The following CT45A10 variants were observed in gnomAD, a reference collection of about 807,000 sequenced individuals.
CT45A10 encodes cancer/testis antigen family 45 member A10.
A neutral mutation model predicts 8.3 loss-of-function variants in CT45A10; 19 were observed. That is an observed-to-expected ratio of 2.30 (90% CI 1.61 to 3.38). The LOEUF is 3.38. CT45A10 is among the 30% of genes most tolerant of loss of function. CT45A10 has a pLI of 0.00. For missense variants in CT45A10, 149 were observed against 85.9 expected, an observed-to-expected ratio of 1.73 and a Z score of -2.90; for synonymous variants, 28 against 26.5, an observed-to-expected ratio of 1.06 and a Z score of -0.17.
chrX:135,889,447 C>G (rs6635177), intron 1 of CT45A10, among the ~76,000 whole-genome samples: 11 of 104,742 alleles, frequency 1.1e-4, no homozygotes, highest in Non-Finnish European at 2.0e-4. Context: ...CCAGTGCACT[C>G]TCCATCCCAG....
chrX:135,890,862 G>T (rs1168528193), intron 1 of CT45A10, among the ~76,000 whole-genome samples: 1 of 112,058 alleles, frequency 8.9e-6, no homozygotes, highest in African/African-American at 3.2e-5. Flanking sequence ...AACTAAGTTG[G>T]TAAATACACA....
At chrX:135,883,371 T>G (rs1273264954) in intron 2 of CT45A10, 115 bp from the exon 3 acceptor site, 1 of 1,159,900 alleles carries the variant, frequency 8.6e-7, no homozygotes, top group Non-Finnish European at 1.2e-6. Flanking sequence ...AGTTGAGCTG[T>G]GAGATACGTG....
chrX:135,891,381 A>T (rs1266220718), intron 1 of CT45A10, among the ~76,000 whole-genome samples: 1 of 107,753 alleles, frequency 9.3e-6, no homozygotes, highest in Non-Finnish European at 1.9e-5. Context: ...CATTAATCAT[A>T]TATAAATATA....
At chrX:135,888,105 G>C (rs1457905835) in intron 1 of CT45A10, among the ~76,000 whole-genome samples, 1 of 113,852 alleles carries the variant, frequency 8.8e-6, no homozygotes, top group African/African-American at 3.2e-5. Context: ...TCCCACCATA[G>C]GCTTAGAGAA....
chrX:135,882,686 G>T, intron 3 of CT45A10, 57 bp from the exon 4 acceptor site: 1 of 937,200 alleles, frequency 1.1e-6, no homozygotes, highest in Non-Finnish European at 1.5e-6. Flanking sequence ...GAATAGAAGT[G>T]AATCTACACC....
intron 1 of CT45A10, among the ~76,000 whole-genome samples, chrX:135,889,575 G>C (rs781929767): frequency 7.6e-4 from 85 of 111,467 alleles, no homozygotes; most frequent in African/African-American, 2.4e-3. Flanking sequence ...CCCCGACCGG[G>C]CGCAGTGGCT....
Position 135,883,009 on chromosome X carries a change from T to C in CT45A10, c.417A>G (p.Arg139=). 8.3e-7 allele frequency: 1 copy of C among 1,198,142 alleles called. No homozygotes were observed. Among genetic ancestry groups the C allele is most frequent in the Non-Finnish European group, 1.1e-6 (1 of 885,302 alleles). Residue 139 remains arginine, a splice_region_variant and synonymous_variant, in exon 3 of 5, where the codon CGA becomes CGG. Transcript: ENST00000682849. Reference sequence around the variant, plus strand: ...AACAGACGTTCTTACACTACTTACTTCGTCCAAGGCATCGGATTTCCTTCA... The same window carrying C: ...AACAGACGTTCTTACACTACTTACTCCGTCCAAGGCATCGGATTTCCTTCA... The part of the protein sequence containing the change: ...QVVKEIRCLG[R]KYEKIFEMLE...
intron 1 of CT45A10, among the ~76,000 whole-genome samples, chrX:135,893,094 G>GC (rs1284463437): frequency 9.1e-6 from 1 of 109,945 alleles, no homozygotes; most frequent in East Asian, 2.9e-4. Flanking sequence ...CACTGAGGGA[G>GC]CCCCCAAGAA....
At chrX:135,890,702 T>C (rs1015263915) in intron 1 of CT45A10, among the ~76,000 whole-genome samples, 4 of 112,297 alleles carry the variant, frequency 3.6e-5, no homozygotes, top group Non-Finnish European at 7.5e-5. Flanking sequence ...TTAAGAGACA[T>C]TATTGTTAAT....
chrX:135,883,067 T>G lies in CT45A10; in HGVS notation c.359A>C (p.Gln120Pro). ...RGIASSPKSQQEINADIKCQV... is the reference protein window; with the variant it reads ...RGIASSPKSQPEINADIKCQV... ...ACATTTTATATCAGCATTAATTTCTTGTTGGCTTTTGGGAGAGGAGGCTAT... is the reference window on the plus strand; with the variant it reads ...ACATTTTATATCAGCATTAATTTCTGGTTGGCTTTTGGGAGAGGAGGCTAT... The change falls in exon 3 of 5, where the codon CAA becomes CCA. Residue 120 changes from glutamine (Q) to proline (P), a missense_variant. Coordinates refer to ENST00000682849, the MANE Select transcript of CT45A10 (RefSeq NM_001291529.2). 19 of 1,198,772 alleles carry G rather than the reference T, an allele frequency of 1.6e-5. No individual in the cohort carries two copies. The highest frequency in any genetic ancestry group is 2.1e-5 in the Non-Finnish European group (19 of 885,701).
chrX:135,883,267 A>C lies in CT45A10; in HGVS notation c.170-11T>G. The C allele has an allele frequency of 1.7e-6, 2 of 1,196,049 alleles. No homozygotes were observed. Among genetic ancestry groups the C allele is most frequent in the Non-Finnish European group, 2.3e-6 (2 of 885,218 alleles). On this transcript the variant is annotated splice_polypyrimidine_tract_variant and intron_variant, in intron 2 of 4. Coordinates refer to ENST00000682849, the MANE Select transcript of CT45A10 (RefSeq NM_001291529.2). Reference sequence around the variant, plus strand: ...GTCCTGTCATAAGCTCTGGTGAAACAAATTTTGAGTAAAAGCCATCAGTTG... The same window carrying C: ...GTCCTGTCATAAGCTCTGGTGAAACCAATTTTGAGTAAAAGCCATCAGTTG...
intron 3 of CT45A10, 106 bp downstream of exon 3, chrX:135,882,901 CA>C: frequency 1.0e-6 from 1 of 970,872 alleles, no homozygotes; most frequent in Non-Finnish European, 1.4e-6. Flanking sequence ...TGTGCAGTCT[CA>C]ACTCTGGCAA....
At chrX:135,891,404 A>G (rs1385691744) in intron 1 of CT45A10, among the ~76,000 whole-genome samples, 1 of 107,655 alleles carries the variant, frequency 9.3e-6, no homozygotes, top group Non-Finnish European at 1.9e-5. Context: ...TAGTATATAT[A>G]ATATAATATT....
Position 135,882,996 on chromosome X carries a change from T to C in CT45A10, c.418+12A>G. The C allele has an allele frequency of 8.4e-7, 1 of 1,196,696 alleles. No individual in the cohort carries two copies. Among genetic ancestry groups the C allele is most frequent in the Non-Finnish European group, 1.1e-6 (1 of 884,395 alleles). On this transcript the variant is annotated intron_variant, in intron 3 of 4. Transcript: ENST00000682849. Reference sequence around the variant, plus strand: ...TACAGTTTTATAAAACAGACGTTCTTACACTACTTACTTCGTCCAAGGCAT... The same window carrying C: ...TACAGTTTTATAAAACAGACGTTCTCACACTACTTACTTCGTCCAAGGCAT...
intron 1 of CT45A10, among the ~76,000 whole-genome samples, chrX:135,890,642 C>A (rs782225401): frequency 8.9e-6 from 1 of 111,905 alleles, no homozygotes; most frequent in South Asian, 3.7e-4. Flanking sequence ...GATAAAAAGG[C>A]GTGCCTTTAT....
rs2088403463 is a variant in CT45A10 at position 135,883,072 on chromosome X, G to C, written c.354C>G (p.Ser118Arg). 1 of 1,197,040 alleles carries C rather than the reference G, an allele frequency of 8.4e-7. No homozygotes were observed. Among genetic ancestry groups the C allele is most frequent in the East Asian group, 3.0e-5 (1 of 33,574 alleles). ...ECRGIASSPK[S>R]QQEINADIKC... is the part of the protein sequence containing the mutation. ...TTATATCAGCATTAATTTCTTGTTGGCTTTTGGGAGAGGAGGCTATTCCTC... is the reference window on the plus strand; with the variant it reads ...TTATATCAGCATTAATTTCTTGTTGCCTTTTGGGAGAGGAGGCTATTCCTC... The change falls in exon 3 of 5, where the codon AGC becomes AGG. Residue 118 changes from serine (S) to arginine (R), a missense_variant. By Grantham distance (110) the Ser-to-Arg change is moderately radical. Transcript: ENST00000682849.
At position 135,883,010 on chromosome X, in the gene CT45A10, C is replaced by G; in HGVS notation, c.416G>C (p.Arg139Pro). 1 of 1,197,806 alleles carries G rather than the reference C, an allele frequency of 8.3e-7. No homozygotes were observed. The highest frequency in any genetic ancestry group is 1.8e-5 in the African/African-American group (1 of 57,019). The stretch of plus-strand genomic sequence containing the variant: ...ACAGACGTTCTTACACTACTTACTT[C>G]GTCCAAGGCATCGGATTTCCTTCAC... The part of the protein sequence containing the change: ...QVVKEIRCLG[R>P]KYEKIFEMLE... The change falls in exon 3 of 5, where the codon CGA (arginine) becomes CCA (proline). Residue 139 changes from arginine (R) to proline (P), a missense_variant and splice_region_variant. Arg to Pro is a moderately radical substitution (Grantham distance 103). Coordinates refer to ENST00000682849, the MANE Select transcript of CT45A10 (RefSeq NM_001291529.2).
At chrX:135,892,018 G>GA (rs11437506) in intron 1 of CT45A10, among the ~76,000 whole-genome samples, 21,632 of 98,081 alleles carry the variant, frequency 0.22, 1,976 homozygotes, top group Non-Finnish European at 0.26. Flanking sequence ...AAAGTGCTCC[G>GA]AAAAAAAAAA....
intron 1 of CT45A10, among the ~76,000 whole-genome samples, chrX:135,888,198 A>C (rs1321796537): frequency 1.6e-4 from 18 of 112,764 alleles, no homozygotes; most frequent in Admixed American, 9.2e-5. Context: ...GCACCAAGAG[A>C]AAGCATCCAG....
Sources: gnomAD v4.1 joint callset for allele counts (sites outside exome capture counted in the v4.1 genomes callset) on GRCh38, gnomAD v4.1.1 for gene constraint, MANE v1.5 for transcripts, NCBI Gene and HGNC (gene_info 2026-07-23, HGNC 2026-07-21) for gene names.